TAB2: variants seen among roughly 807,000 people sequenced by gnomAD.
TAB2 encodes TGF-beta activated kinase 1 (MAP3K7) binding protein 2.
Under a neutral mutation model 65.0 loss-of-function variants are expected in TAB2, and 3 were observed. The ratio of observed to expected loss-of-function variants is 0.05; its 90% CI spans 0.02 to 0.12. TAB2 has a LOEUF of 0.12. Among genes scored for constraint, TAB2 ranks in the 10% least tolerant of loss-of-function variants. The probability of loss-of-function intolerance (pLI) is 1.00; values close to 1 mark genes in which losing one functional copy is unlikely to be tolerated. For missense variants in TAB2, 623 were observed against 840.3 expected (o/e 0.74, Z 3.20); for synonymous variants, 298 against 285.1 (o/e 1.05, Z -0.46).
chr6:149,220,087 T>C (rs906969849), intron 1 of TAB2, among the ~76,000 whole-genome samples: 1 of 152,238 alleles, frequency 6.6e-6, no homozygotes, highest in African/African-American at 2.4e-5. Context: ...AAGATGTGTA[T>C]GTTTTTATAA....
intron 1 of TAB2, among the ~76,000 whole-genome samples, chr6:149,264,390 C>T (rs1583054503): frequency 6.6e-6 from 1 of 152,212 alleles, no homozygotes; most frequent in East Asian, 1.9e-4. Context: ...GTAGCAAGAC[C>T]TCCTCCCTCG....
In TAB2 at chr6:149,221,934, G is replaced by A. The variant is rs891126228; in HGVS notation, c.-121+3158G>A. On this transcript the variant is annotated intron_variant, in intron 1 of 1. Transcript: ENST00000606202. ...TGTGTGATGGCTAATTTTATGTGTC[G>A]ACTTGACTGGACTAAAGGATGCCTG... Among the ~76,000 whole-genome samples, 13 of 152,226 alleles carry A rather than the reference G, an allele frequency of 8.5e-5. No homozygotes were observed. In the South Asian group the frequency reaches 2.3e-3, roughly 27 times the overall value.
At chr6:149,250,215 T>G (rs1777829946) in intron 1 of TAB2, among the ~76,000 whole-genome samples, 1 of 152,044 alleles carries the variant, frequency 6.6e-6, no homozygotes, top group South Asian at 2.1e-4. Flanking sequence ...TTTTGGATAT[T>G]GAAAGAAGAA....
In TAB2 at chr6:149,337,360, C is replaced by G. The variant is rs537975804; in HGVS notation, c.-90+19345C>G. ...TGTATTTTATGCATTTAAAACCACT[C>G]TGAGGGGGACTCTGTAGCTTTCTCC... On this transcript the variant is annotated intron_variant, in intron 1 of 6. Transcript: ENST00000637181. Among the ~76,000 whole-genome samples, 54 of 152,162 alleles carry G rather than the reference C, an allele frequency of 3.5e-4. 3 individuals are homozygous for G.
chr6:149,309,441 G>C (rs1316771250), intron 1 of TAB2, among the ~76,000 whole-genome samples: 3 of 147,550 alleles, frequency 2.0e-5, no homozygotes, highest in African/African-American at 5.2e-5. Context: ...CTGTCACCCA[G>C]GCTGGAGTGC....
chr6:149,266,311 G>A (rs528226487), intron 1 of TAB2, among the ~76,000 whole-genome samples: 5 of 152,286 alleles, frequency 3.3e-5, no homozygotes, highest in South Asian at 2.1e-4. Flanking sequence ...GTCTTTGTCC[G>A]GGAGAGAAGT....
intron 3 of TAB2, among the ~76,000 whole-genome samples, chr6:149,387,370 T>C (rs1322352446): frequency 6.6e-6 from 1 of 152,226 alleles, no homozygotes; most frequent in Non-Finnish European, 1.5e-5. Context: ...AAAAGACTTT[T>C]TCTCCTCATT....
chr6:149,236,409 T>A (rs966634613), intron 1 of TAB2, among the ~76,000 whole-genome samples: 9 of 152,176 alleles, frequency 5.9e-5, no homozygotes, highest in African/African-American at 2.2e-4. Flanking sequence ...AGGAGCTTTT[T>A]CAAATTATTT....
intron 1 of TAB2, chr6:149,342,682 A>C (rs1780167706): frequency 6.6e-6 from 1 of 152,142 alleles, no homozygotes; most frequent in Admixed American, 6.5e-5. Context: ...TTCTGCTTTC[A>C]AGGCTCCAGA....
intron 1 of TAB2, among the ~76,000 whole-genome samples, chr6:149,308,269 A>C (rs1233270186): frequency 1.3e-5 from 2 of 152,174 alleles, no homozygotes; most frequent in Admixed American, 1.3e-4. Flanking sequence ...ATTCCAATAC[A>C]TGTTGTCAAA....
chr6:149,348,632 T>C (rs1397368737), intron 1 of TAB2, among the ~76,000 whole-genome samples: 3 of 150,924 alleles, frequency 2.0e-5, no homozygotes, highest in Non-Finnish European at 4.4e-5. Flanking sequence ...AAAGGAATTA[T>C]GGCTGTAACA....
chr6:149,377,856 T>TAC (rs1312553126), intron 2 of TAB2, among the ~76,000 whole-genome samples, 162 bp from the exon 3 acceptor site: 1 of 152,228 alleles, frequency 6.6e-6, no homozygotes, highest in African/African-American at 2.4e-5. Flanking sequence ...GTGAGGATTT[T>TAC]TAATTCAATC....
intron 1 of TAB2, among the ~76,000 whole-genome samples, chr6:149,258,675 T>C (rs1003667352): frequency 8.5e-5 from 13 of 152,240 alleles, no homozygotes; most frequent in Non-Finnish European, 1.6e-4. Flanking sequence ...CTCTTTTCAG[T>C]CTGATAAAGA....
intron 1 of TAB2, among the ~76,000 whole-genome samples, chr6:149,286,049 G>A (rs1778671414): frequency 6.6e-6 from 1 of 152,076 alleles, no homozygotes; most frequent in African/African-American, 2.4e-5. Flanking sequence ...AATTATTTTA[G>A]TGTTTCTTTA....
At chr6:149,403,575 G>A (rs549752646) in intron 6 of TAB2, among the ~76,000 whole-genome samples, 12 of 151,686 alleles carry the variant, frequency 7.9e-5, no homozygotes, top group African/African-American at 2.7e-4. Flanking sequence ...GAATACCTGA[G>A]GCTTGGTAAT....
chr6:149,360,617 T>G (rs1240673856), intron 1 of TAB2, among the ~76,000 whole-genome samples: 2 of 152,204 alleles, frequency 1.3e-5, no homozygotes, highest in Non-Finnish European at 2.9e-5. Flanking sequence ...ATCCAAACTA[T>G]ATTATTCCGC....
chr6:149,393,806 G>A (rs1304495688), intron 3 of TAB2, among the ~76,000 whole-genome samples: 1 of 151,770 alleles, frequency 6.6e-6, no homozygotes, highest in Non-Finnish European at 1.5e-5. Context: ...ATTAAGTAAA[G>A]AACATCTTTA....
Position 149,350,893 on chromosome 6 carries a change from A to T in TAB2, c.-89-19016A>T, listed in dbSNP as rs544928033. Among the ~76,000 whole-genome samples the T allele has an allele frequency of 2.6e-5, 4 of 152,314 alleles. No individual in the cohort carries two copies. In the South Asian group the frequency reaches 6.2e-4, roughly 24 times the overall value. ...TGACATATATTAAAACCTTATTAGC[A>T]TTAGCGTATCTCAAGGTCTTCTCAG... On this transcript the variant is annotated intron_variant, in intron 1 of 6. Coordinates refer to ENST00000637181, the MANE Select transcript of TAB2 (RefSeq NM_001292034.3).
At chr6:149,385,964 G>A (rs1375368291) in intron 3 of TAB2, among the ~76,000 whole-genome samples, 1 of 152,136 alleles carries the variant, frequency 6.6e-6, no homozygotes, top group African/African-American at 2.4e-5. Flanking sequence ...TTAACTGTGA[G>A]AGGTATTCTC....
Sources: gnomAD v4.1 joint callset for allele counts (sites outside exome capture counted in the v4.1 genomes callset) on GRCh38, gnomAD v4.1.1 for gene constraint, MANE v1.5 for transcripts, NCBI Gene and HGNC (gene_info 2026-07-23, HGNC 2026-07-21) for gene names.